The following GOLM1 variants were observed in gnomAD, a reference collection of about 807,000 sequenced individuals.
GOLM1 encodes the protein golgi membrane protein 1.
A neutral mutation model predicts 50.5 loss-of-function variants in GOLM1; 31 were observed. The ratio of observed to expected loss-of-function variants is 0.61; its 90% CI spans 0.46 to 0.83. GOLM1 has a LOEUF of 0.83. GOLM1 is among the 40% of genes least tolerant of loss of function. GOLM1 has a pLI of 0.00. For synonymous variants in GOLM1, 178 were observed against 192.8 expected, an observed-to-expected ratio of 0.92 and a Z score of 0.64; for missense variants, 491 against 501.3, an observed-to-expected ratio of 0.98 and a Z score of 0.20.
At chr9:86,047,930 C>T (rs575701584) in intron 4 of GOLM1, among the ~76,000 whole-genome samples, 2 of 152,158 alleles carry the variant, frequency 1.3e-5, no homozygotes, top group East Asian at 3.9e-4. Flanking sequence ...GCACAACGTG[C>T]AGGTTTGTTA....
chr9:86,074,576 G>A (rs1438799416), intron 3 of GOLM1, among the ~76,000 whole-genome samples: 1 of 152,220 alleles, frequency 6.6e-6, no homozygotes, highest in Non-Finnish European at 1.5e-5. Flanking sequence ...GGCGGCCAGT[G>A]TGCAGGGGTG....
chr9:86,060,326 G>A (rs1346686466), intron 3 of GOLM1, among the ~76,000 whole-genome samples: 1 of 152,032 alleles, frequency 6.6e-6, no homozygotes, highest in Non-Finnish European at 1.5e-5. Flanking sequence ...CGGGGAGAGG[G>A]AAGGAGAGAG....
chr9:86,090,944 A>G (rs557462206), intron 1 of GOLM1, among the ~76,000 whole-genome samples: 2 of 152,294 alleles, frequency 1.3e-5, no homozygotes, highest in South Asian at 4.1e-4. Context: ...GGAAAAGCGT[A>G]GTATCTGGGC....
Position 86,026,953 on chromosome 9 carries a change from T to G in GOLM1, c.*864A>C. On this transcript the variant is annotated 3_prime_UTR_variant, in exon 10 of 10. Coordinates refer to ENST00000388712, the MANE Select transcript of GOLM1 (RefSeq NM_016548.4). Reference sequence around the variant, plus strand: ...ACTCCAGTAATAAAGTAGGCACAGATCTGTCCACAACAAACTTGCCCTCTC... The same window carrying G: ...ACTCCAGTAATAAAGTAGGCACAGAGCTGTCCACAACAAACTTGCCCTCTC... 2 of 985,378 alleles carry G rather than the reference T, an allele frequency of 2.0e-6. No individual in the cohort carries two copies. Among genetic ancestry groups the G allele is most frequent in the Non-Finnish European group, 2.4e-6 (2 of 829,898 alleles). The allele number at this position is 985,378 out of a possible 1,614,324, so 61.0% of individuals were successfully genotyped here.
chr9:86,058,906 G>C (rs1259908188), intron 3 of GOLM1, among the ~76,000 whole-genome samples: 1 of 152,136 alleles, frequency 6.6e-6, no homozygotes, highest in Admixed American at 6.6e-5. Flanking sequence ...CTGAGGTAGG[G>C]AGAATCGCTT....
Position 86,077,435 on chromosome 9 carries a change from T to C in GOLM1, c.286A>G (p.Asn96Asp), listed in dbSNP as rs769424902. ...GCCTTTTCGTCCTGGTACAGCTTGT[T>C]GACGCTCTCCAGCTGGAAGTTGTGG... ...SSHNFQLESV[N>D]KLYQDEKAVL... The change falls in exon 3 of 10, where the codon AAC becomes GAC. Residue 96 changes from asparagine (N) to aspartate (D), a missense_variant. Asn to Asp is a conservative substitution (Grantham distance 23). Coordinates refer to ENST00000388712, the MANE Select transcript of GOLM1 (RefSeq NM_016548.4). 1 of 1,614,188 alleles carries C rather than the reference T, an allele frequency of 6.2e-7. No homozygotes were observed. Among genetic ancestry groups the C allele is most frequent in the Non-Finnish European group, 8.5e-7 (1 of 1,179,980 alleles).
chr9:86,088,503 T>C (rs1835062393), intron 1 of GOLM1, among the ~76,000 whole-genome samples: 1 of 145,960 alleles, frequency 6.9e-6, no homozygotes, highest in Admixed American at 6.8e-5. Flanking sequence ...TTTACCATTA[T>C]GTAATGCCCT....
intron 9 of GOLM1, 64 bp downstream of exon 9, chr9:86,033,218 C>A: frequency 1.1e-6 from 1 of 887,596 alleles, no homozygotes; most frequent in Non-Finnish European, 1.9e-6. Context: ...TGGATAATCA[C>A]GGTGAAGGAC....
chr9:86,086,725 CTTGT>C (rs1391447777), intron 1 of GOLM1, among the ~76,000 whole-genome samples: 1 of 152,178 alleles, frequency 6.6e-6, no homozygotes, highest in African/African-American at 2.4e-5. Context: ...TTCTCCATTG[CTTGT>C]TTTTGTCAGT....
chr9:86,082,067 T>C (rs11141214), intron 1 of GOLM1, among the ~76,000 whole-genome samples: 49,876 of 124,338 alleles, frequency 0.4, 11,323 homozygotes, highest in Admixed American at 0.5. Context: ...CTCTCTCTGT[T>C]GCCCAGGCTG....
intron 3 of GOLM1, among the ~76,000 whole-genome samples, chr9:86,072,657 T>A (rs1193267549): frequency 1.3e-5 from 2 of 152,240 alleles, no homozygotes; most frequent in Non-Finnish European, 2.9e-5. Context: ...AATTACTTTG[T>A]AACAGCTCTA....
intron 5 of GOLM1, among the ~76,000 whole-genome samples, chr9:86,041,530 C>A (rs1833350630): frequency 6.6e-6 from 1 of 152,214 alleles, no homozygotes; most frequent in African/African-American, 2.4e-5. Context: ...ATGGGGGCGG[C>A]TGACTCCACA....
intron 3 of GOLM1, among the ~76,000 whole-genome samples, chr9:86,059,426 C>T (rs1203017195): frequency 1.3e-5 from 2 of 152,108 alleles, no homozygotes; most frequent in East Asian, 1.9e-4. Context: ...TTACACTAAG[C>T]GAAAGAAGCC....
intron 1 of GOLM1, among the ~76,000 whole-genome samples, chr9:86,094,350 C>T (rs1408557927): frequency 1.3e-5 from 2 of 152,210 alleles, no homozygotes; most frequent in Non-Finnish European, 2.9e-5. Flanking sequence ...AACTCTGCCT[C>T]TAACCCATTG....
At chr9:86,048,932 A>G (rs1421201071) in intron 4 of GOLM1, among the ~76,000 whole-genome samples, 1 of 152,172 alleles carries the variant, frequency 6.6e-6, no homozygotes, top group Non-Finnish European at 1.5e-5. Context: ...TTGGTGTTTT[A>G]GACACGAAGT....
intron 3 of GOLM1, among the ~76,000 whole-genome samples, chr9:86,055,964 C>T (rs149161401): frequency 3.6e-4 from 49 of 137,024 alleles, no homozygotes; most frequent in Non-Finnish European, 6.8e-4. Flanking sequence ...GAGTGAAAAC[C>T]GAACAGTAAA....
At chr9:86,082,541 A>C (rs1384153202) in intron 1 of GOLM1, among the ~76,000 whole-genome samples, 2 of 151,532 alleles carry the variant, frequency 1.3e-5, no homozygotes, top group African/African-American at 4.8e-5. Flanking sequence ...CCTGGGCTCA[A>C]GTGATCCTCC....
chr9:86,066,762 T>C (rs1834318791), intron 3 of GOLM1, among the ~76,000 whole-genome samples: 1 of 152,102 alleles, frequency 6.6e-6, no homozygotes, highest in South Asian at 2.1e-4. Context: ...AGATGTGCCT[T>C]TCCCTTCACG....
At chr9:86,063,680 C>CG (rs1489041363) in intron 3 of GOLM1, among the ~76,000 whole-genome samples, 1 of 152,198 alleles carries the variant, frequency 6.6e-6, no homozygotes, top group Admixed American at 6.5e-5. Context: ...AGAAGGTAAA[C>CG]GGAGTCAATT....
Sources: allele counts gnomAD v4.1 joint callset (sites outside exome capture counted in the v4.1 genomes callset), GRCh38; gene constraint gnomAD v4.1.1; transcripts MANE v1.5; gene names NCBI Gene and HGNC (gene_info 2026-07-23, HGNC 2026-07-21).